Variants in RGR observed in about 807,000 individuals in gnomAD.
The protein encoded by RGR is retinal G protein coupled receptor, also known as RPE-retinal G protein-coupled receptor.
Under a neutral mutation model 28.6 loss-of-function variants are expected in RGR, and 30 were observed. That is an observed-to-expected ratio of 1.05 (90% CI 0.78 to 1.42). RGR has a LOEUF of 1.42. Ranked by LOEUF, RGR falls within the 40% of genes most tolerant of loss-of-function variation. The pLI is 0.00. For synonymous variants in RGR, 180 were observed against 156.4 expected (o/e 1.15, Z -1.13); for missense variants, 404 against 375.6 (o/e 1.08, Z -0.62).
At chr10:84,247,169 A>C (rs998953371) in intron 1 of RGR, among the ~76,000 whole-genome samples, 10 of 152,126 alleles carry the variant, frequency 6.6e-5, no homozygotes, top group Admixed American at 2.0e-4. Context: ...TCCCAGCTCT[A>C]ACATCGACTC....
At chr10:84,253,565 G>A (rs1234505065) in intron 4 of RGR, among the ~76,000 whole-genome samples, 1 of 152,036 alleles carries the variant, frequency 6.6e-6, no homozygotes, top group Non-Finnish European at 1.5e-5. Flanking sequence ...GGCTTAGGGG[G>A]ATCCTTTAGG....
intron 5 of RGR, among the ~76,000 whole-genome samples, chr10:84,254,932 T>C (rs905931512): frequency 1.3e-5 from 2 of 152,326 alleles, no homozygotes; most frequent in Non-Finnish European, 2.9e-5. Context: ...ACAGGTTTGG[T>C]CCAGACCTAG....
intron 4 of RGR, among the ~76,000 whole-genome samples, chr10:84,253,339 G>T (rs1024440899): frequency 1.3e-5 from 2 of 152,158 alleles, no homozygotes; most frequent in Admixed American, 6.5e-5. Context: ...CAGCACAGTC[G>T]ACCATCATGG....
At chr10:84,250,498 G>T in intron 3 of RGR, 1 of 700,258 alleles carries the variant, frequency 1.4e-6, no homozygotes, top group Non-Finnish European at 2.6e-6. Context: ...TGCCCCTAAT[G>T]CTCCCTTGGA....
chr10:84,249,774 G>A lies in RGR; in HGVS notation c.358+731G>A, dbSNP rs986916831. The stretch of plus-strand genomic sequence containing the variant: ...GTGCCCTGGCACCCCACACTTCCAT[G>A]AGGCTTCATGAAAACTGTCCAGCTC... On this transcript the variant is annotated intron_variant, in intron 3 of 6. Transcript: ENST00000652092. Among the ~76,000 whole-genome samples, 11 of 152,206 alleles carry A rather than the reference G, an allele frequency of 7.2e-5. 1 individual carries two copies. In the South Asian group the frequency reaches 2.3e-3, roughly 31 times the overall value.
intron 3 of RGR, chr10:84,250,469 C>T: frequency 2.8e-6 from 2 of 717,030 alleles, no homozygotes; most frequent in Non-Finnish European, 5.2e-6. Context: ...ACTTCTCCCA[C>T]TCCTTACATC....
At chr10:84,258,096 G>A (rs1196229233) in intron 6 of RGR, 90 bp downstream of exon 6, 1 of 1,134,294 alleles carries the variant, frequency 8.8e-7, no homozygotes, top group Non-Finnish European at 1.3e-6. Flanking sequence ...TATGACCTCT[G>A]TGTCAGTCTC....
At position 84,258,015 on chromosome 10, in the gene RGR, A is replaced by T; in HGVS notation, c.744+9A>T. On this transcript the variant is annotated intron_variant, in intron 6 of 6. Coordinates refer to ENST00000652092, the MANE Select transcript of RGR (RefSeq NM_001012720.2). ...CCCCCAAACTGCAGATGGTACAGAT[A>T]CTTCTAGTACCTAAAACTAGACCCC... is the stretch of plus-strand genomic sequence containing the variant. 6.2e-7 allele frequency: 1 copy of T among 1,607,802 alleles called. No individual in the cohort carries two copies. Among genetic ancestry groups the T allele is most frequent in the Non-Finnish European group, 8.5e-7 (1 of 1,174,324 alleles).
intron 5 of RGR, among the ~76,000 whole-genome samples, chr10:84,255,718 CTTTTTTT>C (rs71013305): frequency 9.7e-6 from 1 of 102,850 alleles, no homozygotes; most frequent in Non-Finnish European, 1.9e-5. Flanking sequence ...GGTTTTCTTT[CTTTTTTT>C]TTTTTTTTTT....
At chr10:84,247,208 C>G (rs557814684) in intron 1 of RGR, among the ~76,000 whole-genome samples, 12 of 152,274 alleles carry the variant, frequency 7.9e-5, no homozygotes, top group African/African-American at 2.9e-4. Context: ...TGACTTTGCT[C>G]TACAGTCCTT....
chr10:84,246,548 A>G (rs1842748958), intron 1 of RGR, among the ~76,000 whole-genome samples: 1 of 152,252 alleles, frequency 6.6e-6, no homozygotes, highest in Non-Finnish European at 1.5e-5. Context: ...AAATTGCTGT[A>G]ATAAGACATT....
chr10:84,245,544 C>A (rs2279226), intron 1 of RGR, among the ~76,000 whole-genome samples: 25,462 of 152,112 alleles, frequency 0.17, 2,214 homozygotes, highest in Middle Eastern at 0.34. Context: ...ATCAGTCCCC[C>A]AAAAGGCTCT....
In RGR at chr10:84,245,607, C is replaced by T. The variant is rs940111780; in HGVS notation, c.79+438C>T. Among the ~76,000 whole-genome samples the T allele has an allele frequency of 2.0e-5, 3 of 152,202 alleles. 1 individual carries two copies. Among genetic ancestry groups the T allele is most frequent in the Admixed American group, 2.0e-4 (3 of 15,282 alleles). On this transcript the variant is annotated intron_variant, in intron 1 of 6. Transcript: ENST00000652092. ...TTGTGTGGCTGGAACCAAGTCCCTT[C>T]AGCTCTCTGCCCTCAATGCCTTGAC...
chr10:84,258,469 G>T (rs1842914982), intron 6 of RGR, 39 bp from the exon 7 acceptor site: 1 of 1,614,000 alleles, frequency 6.2e-7, no homozygotes, highest in Non-Finnish European at 8.5e-7. Context: ...AGGATCAGTG[G>T]CTTTGAAGCT....
In RGR at chr10:84,259,549, T is replaced by A. The variant is rs1247273189; in HGVS notation, c.*910T>A. ...CCTTTTCTCTGCATCCTTACCAATATCTGTAATTTTTTGACTTTTTAATAA... is the reference window on the plus strand; with the variant it reads ...CCTTTTCTCTGCATCCTTACCAATAACTGTAATTTTTTGACTTTTTAATAA... On this transcript the variant is annotated 3_prime_UTR_variant, in exon 7 of 7. Transcript: ENST00000652092. The A allele has an allele frequency of 6.6e-6, 1 of 152,210 alleles. No individual in the cohort carries two copies. Among genetic ancestry groups the A allele is most frequent in the Non-Finnish European group, 1.5e-5 (1 of 68,036 alleles). 9.4% of individuals were successfully genotyped at this position (152,210 alleles called of 1,614,324 possible).
At chr10:84,250,703 C>T in intron 3 of RGR, 1 of 428,432 alleles carries the variant, frequency 2.3e-6, no homozygotes, top group Non-Finnish European at 4.2e-6. Flanking sequence ...GGTCTGAATT[C>T]ATCTACTCCA....
At chr10:84,256,773 G>A (rs1048232186) in intron 5 of RGR, among the ~76,000 whole-genome samples, 2 of 152,162 alleles carry the variant, frequency 1.3e-5, no homozygotes, top group Non-Finnish European at 2.9e-5. Flanking sequence ...GCAGCCGGGA[G>A]ACAAGGCTGC....
chr10:84,256,278 T>C (rs1842886508), intron 5 of RGR, among the ~76,000 whole-genome samples: 1 of 151,976 alleles, frequency 6.6e-6, no homozygotes, highest in Admixed American at 6.6e-5. Flanking sequence ...GGTCTTGAAC[T>C]CCTGACCTCA....
At chr10:84,258,421 G>A in intron 6 of RGR, 87 bp from the exon 7 acceptor site, 2 of 1,604,462 alleles carry the variant, frequency 1.2e-6, no homozygotes, top group Non-Finnish European at 1.7e-6. Flanking sequence ...GCAGTTGTAG[G>A]TGGAGGGTGA....
Sources: allele counts gnomAD v4.1 joint callset (sites outside exome capture counted in the v4.1 genomes callset), GRCh38; gene constraint gnomAD v4.1.1; transcripts MANE v1.5; gene names NCBI Gene and HGNC (gene_info 2026-07-23, HGNC 2026-07-21).